The following ARHGEF28 variants were observed in gnomAD, a reference collection of about 807,000 sequenced individuals.
ARHGEF28 encodes the protein Rho guanine nucleotide exchange factor 28, also known as 190 kDa guanine nucleotide exchange factor.
In ARHGEF28, 152 loss-of-function variants were observed where a neutral mutation model predicts 206.6. The ratio of observed to expected loss-of-function variants is 0.74; its 90% confidence interval spans 0.64 to 0.84. ARHGEF28 has a LOEUF of 0.84. Among genes scored for constraint, ARHGEF28 ranks in the 40% least tolerant of loss-of-function variants. The pLI is 0.00. For synonymous variants in ARHGEF28, 763 were observed against 776.4 expected, an observed-to-expected ratio of 0.98 and a Z score of 0.29; for missense variants, 2,028 against 2,073.2, an observed-to-expected ratio of 0.98 and a Z score of 0.42.
At position 73,941,740 on chromosome 5, in the gene ARHGEF28, G is replaced by A. The variant is rs1742639570; in HGVS notation, c.*727G>A. On this transcript the variant is annotated 3_prime_UTR_variant, in exon 36 of 36. Coordinates refer to ENST00000513042, the MANE Select transcript of ARHGEF28 (RefSeq NM_001177693.2). ...GAGCCCTCACTTCTATCAATCAGCT[G>A]TCCTGTCCCTGCCAGCACCTGGAGC... 6.6e-6 allele frequency: 1 copy of A among 152,154 alleles called. No homozygotes were observed. Among genetic ancestry groups the A allele is most frequent in the African/African-American group, 2.4e-5 (1 of 41,400 alleles). 9.4% of individuals were successfully genotyped at this position (152,154 alleles called of 1,614,324 possible). A position where few individuals can be genotyped will look rare whatever the true frequency, so the allele number is the denominator to read the frequency against.
intron 2 of ARHGEF28, among the ~76,000 whole-genome samples, chr5:73,700,793 A>G (rs1748552999): frequency 6.6e-6 from 1 of 152,180 alleles, no homozygotes; most frequent in African/African-American, 2.4e-5. Context: ...TTCATCCCTG[A>G]GAGGTCTGAA....
intron 1 of ARHGEF28, among the ~76,000 whole-genome samples, chr5:73,633,480 A>C (rs997071562): frequency 6.6e-6 from 1 of 152,052 alleles, no homozygotes; most frequent in African/African-American, 2.4e-5. Flanking sequence ...TTTCTCTCAT[A>C]AGATTGTAAA....
intron 4 of ARHGEF28, among the ~76,000 whole-genome samples, chr5:73,758,164 C>T (rs1213482389): frequency 6.6e-6 from 1 of 152,162 alleles, no homozygotes; most frequent in African/African-American, 2.4e-5. Flanking sequence ...CAAATGGTAT[C>T]TCCAAAGACA....
chr5:73,911,624 C>T (rs946758140), intron 35 of ARHGEF28, 49 bp downstream of exon 35: 24 of 1,506,980 alleles, frequency 1.6e-5, no homozygotes, highest in Admixed American at 2.0e-5. Flanking sequence ...AAGAAGTTGT[C>T]CCTCTGAATG....
At chr5:73,692,564 G>A (rs1026095238) in intron 2 of ARHGEF28, among the ~76,000 whole-genome samples, 1 of 152,160 alleles carries the variant, frequency 6.6e-6, no homozygotes, top group African/African-American at 2.4e-5. Context: ...GGCTCATTGT[G>A]GGTGTTGAAG....
intron 35 of ARHGEF28, among the ~76,000 whole-genome samples, chr5:73,932,929 C>T (rs577236659): frequency 8.6e-5 from 13 of 150,446 alleles, no homozygotes; most frequent in African/African-American, 2.7e-4. Context: ...CTGCCTCAGC[C>T]TCCCGTGTAG....
intron 15 of ARHGEF28, 76 bp from the exon 16 acceptor site, chr5:73,858,011 T>G: frequency 6.5e-7 from 1 of 1,532,848 alleles, no homozygotes. Context: ...AGATGATTTC[T>G]ATAAGAAAGT....
intron 1 of ARHGEF28, among the ~76,000 whole-genome samples, chr5:73,636,400 A>G (rs1181949888): frequency 6.6e-6 from 1 of 152,230 alleles, no homozygotes; most frequent in Non-Finnish European, 1.5e-5. Context: ...ATTGTTTATT[A>G]GAGGTTTTTT....
chr5:73,678,755 C>T (rs1036283979), intron 1 of ARHGEF28, among the ~76,000 whole-genome samples: 1 of 151,856 alleles, frequency 6.6e-6, no homozygotes. Context: ...GAAAAAGGCT[C>T]ACTTTTTAGG....
chr5:73,741,362 T>A (rs1751368196), intron 2 of ARHGEF28, among the ~76,000 whole-genome samples: 1 of 48,138 alleles, frequency 2.1e-5, no homozygotes, highest in Middle Eastern at 6.6e-3. Flanking sequence ...TGTGTGTGTG[T>A]GTGTGTGTGT....
chr5:73,869,317 C>T (rs1390284854), intron 20 of ARHGEF28, among the ~76,000 whole-genome samples: 2 of 151,960 alleles, frequency 1.3e-5, no homozygotes, highest in Admixed American at 6.6e-5. Context: ...TACTTAGACG[C>T]TGCTTTGTGT....
intron 4 of ARHGEF28, among the ~76,000 whole-genome samples, chr5:73,755,653 G>A (rs11739708): frequency 2.0e-3 from 310 of 152,148 alleles, no homozygotes; most frequent in Middle Eastern, 0.01. Context: ...TATTTAATCC[G>A]TGGATTGCAA....
chr5:73,941,149 C>A lies in ARHGEF28; in HGVS notation c.*136C>A. 1.6e-5 allele frequency: 14 copies of A among 898,194 alleles called. No homozygotes were observed. Among genetic ancestry groups the A allele is most frequent in the Non-Finnish European group, 1.5e-5 (10 of 675,604 alleles). The allele number at this position is 898,194 out of a possible 1,614,324, so 55.6% of individuals were successfully genotyped here. On this transcript the variant is annotated 3_prime_UTR_variant, in exon 36 of 36. Transcript: ENST00000513042. ...TAATATTTAATATTTCCTGGAAGCT[C>A]ATTTTTTTGGCATGAGTCTAATTAA...
chr5:73,758,984 T>C lies in ARHGEF28; in HGVS notation c.475+5782T>C, dbSNP rs537759721. On this transcript the variant is annotated intron_variant, in intron 4 of 35. Transcript: ENST00000513042. Reference sequence around the variant, plus strand: ...TGGTTCTATGAGTGAAAGAAAATTTTAAGGTAACCCAATTGAACTTTTGGA... The same window carrying C: ...TGGTTCTATGAGTGAAAGAAAATTTCAAGGTAACCCAATTGAACTTTTGGA... Among the ~76,000 whole-genome samples, 5 of 152,352 alleles carry C rather than the reference T, an allele frequency of 3.3e-5. No individual in the cohort carries two copies. In the South Asian group the frequency reaches 1.0e-3, roughly 32 times the overall value.
At chr5:73,723,053 A>G (rs1402127365) in intron 2 of ARHGEF28, among the ~76,000 whole-genome samples, 1 of 152,260 alleles carries the variant, frequency 6.6e-6, no homozygotes, top group African/African-American at 2.4e-5. Context: ...AAAGTTTTAC[A>G]TTATTTTCAA....
chr5:73,803,066 C>T (rs1755239429), intron 9 of ARHGEF28, among the ~76,000 whole-genome samples: 1 of 152,056 alleles, frequency 6.6e-6, no homozygotes, highest in African/African-American at 2.4e-5. Context: ...TTTAGAGTGG[C>T]TAATTTAAAG....
intron 4 of ARHGEF28, among the ~76,000 whole-genome samples, chr5:73,759,904 ATC>A (rs1390262569): frequency 6.6e-6 from 1 of 152,242 alleles, no homozygotes; most frequent in Non-Finnish European, 1.5e-5. Context: ...AGAGAAAAAT[ATC>A]TGTTTCTCTT....
chr5:73,851,404 G>A (rs577690527), intron 13 of ARHGEF28, among the ~76,000 whole-genome samples: 1 of 142,424 alleles, frequency 7.0e-6, no homozygotes, highest in Non-Finnish European at 1.5e-5. Context: ...TTTCTCATGC[G>A]TCTTTTTTTT....
intron 1 of ARHGEF28, among the ~76,000 whole-genome samples, chr5:73,646,135 C>G (rs1274495959): frequency 6.6e-6 from 1 of 152,200 alleles, no homozygotes; most frequent in East Asian, 1.9e-4. Flanking sequence ...AAGCCAGATA[C>G]CCAAAAGTCT....
Sources: gnomAD v4.1 joint callset for allele counts (sites outside exome capture counted in the v4.1 genomes callset) on GRCh38, gnomAD v4.1.1 for gene constraint, MANE v1.5 for transcripts, NCBI Gene and HGNC (gene_info 2026-07-23, HGNC 2026-07-21) for gene names.